The following DRC9 variants were observed in gnomAD, a reference collection of about 807,000 sequenced individuals.
DRC9 encodes dynein regulatory complex subunit 9, also known as dynein regulatory complex protein 9.
chr3:197,905,851 A>G, the DRC9 span, among the ~76,000 whole-genome samples: 1 of 152,120 alleles, frequency 6.6e-6, no homozygotes, highest in Non-Finnish European at 1.5e-5. Flanking sequence ...TTAACATATT[A>G]AAGAAGAGAA....
At chr3:197,892,689 A>T in the DRC9 span, 5 of 1,614,182 alleles carry the variant, frequency 3.1e-6, no homozygotes, top group Non-Finnish European at 4.2e-6. Context: ...GAGAGCATTT[A>T]GTTCATTCTG....
chr3:197,933,486 C>A, the DRC9 span, among the ~76,000 whole-genome samples: 3 of 151,826 alleles, frequency 2.0e-5, no homozygotes, highest in East Asian at 5.8e-4. Flanking sequence ...TTGATTAGGT[C>A]TTTAAAAAAA....
chr3:197,899,994 G>A, the DRC9 span, among the ~76,000 whole-genome samples: 1 of 152,204 alleles, frequency 6.6e-6, no homozygotes, highest in Non-Finnish European at 1.5e-5. Context: ...GATGTGCATT[G>A]AACTCAGTGC....
At chr3:197,934,876 TTGG>T in the DRC9 span, among the ~76,000 whole-genome samples, 1 of 147,544 alleles carries the variant, frequency 6.8e-6, no homozygotes, top group Admixed American at 6.9e-5. Context: ...TCCCTGCCAC[TTGG>T]GAGGCTGAGG....
chr3:197,889,370 G>A, the DRC9 span: 2 of 599,534 alleles, frequency 3.3e-6, no homozygotes, highest in Non-Finnish European at 5.9e-6. Flanking sequence ...GAAGCCCTAA[G>A]TCAATGGTGT....
chr3:197,951,046 T>G, the DRC9 span: 3 of 1,605,334 alleles, frequency 1.9e-6, no homozygotes, highest in Non-Finnish European at 1.7e-6. Flanking sequence ...AGCTTAAAAT[T>G]GGCAAGAAAA....
the DRC9 span, chr3:197,945,719 A>G: frequency 1.4e-5 from 11 of 770,650 alleles, no homozygotes; most frequent in Non-Finnish European, 2.4e-5. Flanking sequence ...AGATTAGTTT[A>G]TGGGCGTCTT....
At chr3:197,954,452 G>GC in the DRC9 span, 1 of 422,742 alleles carries the variant, frequency 2.4e-6, no homozygotes, top group East Asian at 5.2e-5. Context: ...TTCCACCTCA[G>GC]CCCCCCAAGT....
At chr3:197,911,581 T>C in the DRC9 span, among the ~76,000 whole-genome samples, 4 of 152,168 alleles carry the variant, frequency 2.6e-5, no homozygotes, top group Admixed American at 2.0e-4. Flanking sequence ...TGAAAAGCAA[T>C]GAGTAATTTT....
chr3:197,912,012 A>C, the DRC9 span, among the ~76,000 whole-genome samples: 3 of 151,902 alleles, frequency 2.0e-5, no homozygotes, highest in African/African-American at 4.8e-5. Flanking sequence ...GTCATAATTT[A>C]AAAATAATTA....
the DRC9 span, among the ~76,000 whole-genome samples, chr3:197,904,104 ATATATATTTT>A: frequency 5.0e-3 from 245 of 49,112 alleles, 3 homozygotes; most frequent in African/African-American, 0.012. Flanking sequence ...ATATATATAT[ATATATATTTT>A]TTTTTTTAAA....
At chr3:197,913,009 G>C in the DRC9 span, 1 of 429,594 alleles carries the variant, frequency 2.3e-6, no homozygotes, top group Non-Finnish European at 4.2e-6. Context: ...CAGAAACGGC[G>C]CTCCAAGGGC....
the DRC9 span, chr3:197,912,874 C>A: frequency 1.3e-6 from 1 of 753,272 alleles, no homozygotes; most frequent in South Asian, 1.5e-5. Context: ...CCCGGGCTTT[C>A]AGTTCCCTGC....
chr3:197,943,931 T>C, the DRC9 span: 3 of 1,614,110 alleles, frequency 1.9e-6, no homozygotes, highest in Admixed American at 3.3e-5. Context: ...GGATGATTTC[T>C]ATGTCTGTTT....
the DRC9 span, among the ~76,000 whole-genome samples, chr3:197,890,117 A>G: frequency 1.1e-3 from 164 of 152,324 alleles, 1 homozygote; most frequent in African/African-American, 3.8e-3. Flanking sequence ...AGATAATGCC[A>G]GGTGCGGTGG....
At chr3:197,949,903 T>A in the DRC9 span, 129 of 398,942 alleles carry the variant, frequency 3.2e-4, 1 homozygote, top group East Asian at 4.4e-3. Context: ...ACCTACGGCG[T>A]CCGGGGACGC....
chr3:197,916,338 G>A, the DRC9 span: 1 of 154,602 alleles, frequency 6.5e-6, no homozygotes, highest in Non-Finnish European at 1.4e-5. Flanking sequence ...CTGAAGTGCA[G>A]TGGCATGATC....
the DRC9 span, among the ~76,000 whole-genome samples, chr3:197,903,800 T>C: frequency 1.3e-5 from 2 of 151,222 alleles, no homozygotes; most frequent in Admixed American, 6.6e-5. Flanking sequence ...TAGGAAAAAA[T>C]CTAATAATGT....
the DRC9 span, among the ~76,000 whole-genome samples, chr3:197,932,835 T>A: frequency 9.7e-6 from 1 of 102,618 alleles, no homozygotes; most frequent in Non-Finnish European, 1.8e-5. Context: ...TGTATTTATA[T>A]ATGTATTATA....
Sources: gnomAD v4.1 joint callset for allele counts (sites outside exome capture counted in the v4.1 genomes callset) on GRCh38, gnomAD v4.1.1 for gene constraint, MANE v1.5 for transcripts, NCBI Gene and HGNC (gene_info 2026-07-23, HGNC 2026-07-21) for gene names.